The following CRACR2A variants were observed in gnomAD, a reference collection of about 807,000 sequenced individuals.
The protein encoded by CRACR2A is EF-hand calcium-binding domain-containing protein 4B.
CRACR2A carries 79 observed loss-of-function variants against 90.5 expected under a neutral mutation model. The observed-to-expected ratio is 0.87, with a 90% CI of 0.73 to 1.05. The LOEUF (loss-of-function observed/expected upper bound fraction) is 1.05. Among genes scored for constraint, CRACR2A ranks in the 50% least tolerant of loss-of-function variants. CRACR2A has a pLI of 0.00. For synonymous variants in CRACR2A, 338 were observed against 356.7 expected, an observed-to-expected ratio of 0.95 and a Z score of 0.59; for missense variants, 823 against 897.2, an observed-to-expected ratio of 0.92 and a Z score of 1.06.
At chr12:3,625,766 A>G (rs534949974) in intron 17 of CRACR2A, among the ~76,000 whole-genome samples, 7 of 151,798 alleles carry the variant, frequency 4.6e-5, no homozygotes, top group South Asian at 2.1e-4. Flanking sequence ...CCGCTCCCCA[A>G]TCTCTGGGGA....
At chr12:3,717,914 G>C (rs370532337) in intron 2 of CRACR2A, among the ~76,000 whole-genome samples, 76 of 152,246 alleles carry the variant, frequency 5.0e-4, no homozygotes, top group African/African-American at 1.7e-3. Flanking sequence ...TGAGGCTCAG[G>C]ATCCTGTGCT....
intron 1 of CRACR2A, among the ~76,000 whole-genome samples, chr12:3,749,196 T>A (rs1208566911): frequency 6.6e-6 from 1 of 152,238 alleles, no homozygotes; most frequent in Admixed American, 6.5e-5. Flanking sequence ...CCTTGGGCCA[T>A]GCCTGGCACT....
intron 18 of CRACR2A, among the ~76,000 whole-genome samples, chr12:3,618,154 GT>G (rs1240653518): frequency 5.7e-5 from 8 of 140,512 alleles, no homozygotes; most frequent in Non-Finnish European, 1.1e-4. Context: ...CCGAGTCTTA[GT>G]TTTTTTTTCA....
In CRACR2A at chr12:3,642,134, G is replaced by C. The variant is rs145674398; in HGVS notation, c.1165-296C>G. 1.2e-4 allele frequency among the ~76,000 whole-genome samples: 19 copies of C among 152,250 alleles called. No homozygotes were observed. In the East Asian group the frequency reaches 2.9e-3, roughly 23 times the overall value. ...CTGATGATTTGTAAAAGGAAAAGAA[G>C]AGATAAGTGTTTAATGCATATTTTC... On this transcript the variant is annotated intron_variant, in intron 12 of 19. Coordinates refer to ENST00000440314, the MANE Select transcript of CRACR2A (RefSeq NM_001144958.2).
In CRACR2A at chr12:3,634,740, G is replaced by A. The variant is rs146271959; in HGVS notation, c.1603-1004C>T. ...CAAATACTATAATGTAGTGGCAGGT[G>A]TATTAGCAGTACTTGAGTTTCAGAT... On this transcript the variant is annotated intron_variant, in intron 14 of 19. Transcript: ENST00000440314. Among the ~76,000 whole-genome samples the A allele has an allele frequency of 3.2e-4, 48 of 152,290 alleles. 2 individuals carry two copies. In the East Asian group the frequency reaches 9.3e-3, roughly 29 times the overall value.
rs1462973302 is a variant in CRACR2A at position 3,643,838 on chromosome 12, AT to A, written c.1164+756del. ...ATATTTATATTATATATAAATATAT[AT>A]AATATATATTATATATTTATATTAT... On this transcript the variant is annotated intron_variant, in intron 12 of 19. Coordinates refer to ENST00000440314, the MANE Select transcript of CRACR2A (RefSeq NM_001144958.2). Among the ~76,000 whole-genome samples the A allele has an allele frequency of 7.7e-5, 6 of 77,566 alleles. No individual in the cohort carries two copies. The East Asian group carries it at 2.0e-3, about 25-fold the overall frequency. 50.9% of individuals were successfully genotyped at this position (77,566 alleles called of 152,430 possible).
chr12:3,670,883 C>T (rs1275462448), intron 7 of CRACR2A, among the ~76,000 whole-genome samples: 1 of 152,172 alleles, frequency 6.6e-6, no homozygotes, highest in Non-Finnish European at 1.5e-5. Flanking sequence ...CCAATCCCAA[C>T]ACAGTTCCCT....
intron 3 of CRACR2A, among the ~76,000 whole-genome samples, chr12:3,701,888 C>T (rs148140040): frequency 1.6e-4 from 24 of 152,050 alleles, no homozygotes; most frequent in African/African-American, 4.6e-4. Flanking sequence ...GGCCAATATC[C>T]CTTATGAACA....
rs1373825504 is a variant in CRACR2A at position 3,627,463 on chromosome 12, C to G, written c.1905G>C (p.Ser635=). 6.4e-6 allele frequency: 10 copies of G among 1,551,974 alleles called. No homozygotes were observed. The East Asian group carries it at 2.4e-4, about 38-fold the overall frequency. Residue 635 remains serine (S), a synonymous_variant, in exon 17 of 20, where the codon TCG becomes TCC. Transcript: ENST00000440314. ...YDLTDKQSFL[S]VRRWLSSVEE... Reference sequence around the variant, plus strand: ...CCACGCTGCTCAGCCACCGCCGGACCGACAGGAACGACTGCTTGTCTGTGA... The same window carrying G: ...CCACGCTGCTCAGCCACCGCCGGACGGACAGGAACGACTGCTTGTCTGTGA...
chr12:3,713,377 T>A (rs956112224), intron 2 of CRACR2A, 60 bp from the exon 3 acceptor site: 15 of 919,398 alleles, frequency 1.6e-5, no homozygotes, highest in Non-Finnish European at 1.8e-5. Flanking sequence ...ACAACAGAAG[T>A]GGCTTTATAG....
At chr12:3,690,454 T>C (rs1419037042) in intron 4 of CRACR2A, among the ~76,000 whole-genome samples, 1 of 152,254 alleles carries the variant, frequency 6.6e-6, no homozygotes, top group East Asian at 1.9e-4. Context: ...TCAATTTCCA[T>C]GTAATTGTAT....
intron 10 of CRACR2A, among the ~76,000 whole-genome samples, chr12:3,650,022 C>T (rs1944766248): frequency 6.6e-6 from 1 of 152,168 alleles, no homozygotes; most frequent in South Asian, 2.1e-4. Flanking sequence ...CTATACCATG[C>T]TTTAGACATT....
intron 11 of CRACR2A, among the ~76,000 whole-genome samples, chr12:3,647,548 G>C (rs1944711234): frequency 2.0e-5 from 3 of 152,126 alleles, no homozygotes; most frequent in Middle Eastern, 6.8e-3. Flanking sequence ...GTCTTCCTAA[G>C]AATCAAGACC....
At chr12:3,676,802 T>G (rs565499326) in intron 6 of CRACR2A, among the ~76,000 whole-genome samples, 4 of 152,096 alleles carry the variant, frequency 2.6e-5, no homozygotes, top group Admixed American at 6.5e-5. Flanking sequence ...GTAAATGCAT[T>G]GTAAAATCAA....
At chr12:3,681,693 T>A (rs1945456793) in intron 4 of CRACR2A, among the ~76,000 whole-genome samples, 1 of 152,172 alleles carries the variant, frequency 6.6e-6, no homozygotes, top group Admixed American at 6.5e-5. Context: ...CGGGGCTTTG[T>A]AAGAAGAAAG....
intron 2 of CRACR2A, chr12:3,727,364 G>A (rs1946288165): frequency 1.3e-5 from 2 of 152,132 alleles, no homozygotes; most frequent in Non-Finnish European, 1.5e-5. Flanking sequence ...ATAAATATAT[G>A]TGATAAGAAT....
chr12:3,621,396 C>CTT lies in CRACR2A; in HGVS notation c.1933-2026_1933-2025dup, dbSNP rs796347863. ...TGGGAAAAGAAAGGGCAGGTTTCTT[C>CTT]TTTTTTTTTTTTTTTGGGAGGCCGA... On this transcript the variant is annotated intron_variant, in intron 17 of 19. Transcript: ENST00000440314. 9.0e-5 allele frequency among the ~76,000 whole-genome samples: 12 copies of CTT among 133,880 alleles called. No homozygotes were observed. The South Asian group carries it at 2.6e-3, about 29-fold the overall frequency. 87.8% of individuals were successfully genotyped at this position (133,880 alleles called of 152,430 possible).
intron 2 of CRACR2A, among the ~76,000 whole-genome samples, chr12:3,717,746 G>A (rs1946101945): frequency 6.6e-6 from 1 of 152,176 alleles, no homozygotes; most frequent in South Asian, 2.1e-4. Context: ...CAGCAGTTAT[G>A]GATCCTGGTT....
At chr12:3,718,754 C>A (rs112238483) in intron 2 of CRACR2A, among the ~76,000 whole-genome samples, 3 of 152,294 alleles carry the variant, frequency 2.0e-5, no homozygotes, top group African/African-American at 7.2e-5. Context: ...GCTCATGTTG[C>A]ATTTCTGATG....
Sources: gnomAD v4.1 joint callset for allele counts (sites outside exome capture counted in the v4.1 genomes callset) on GRCh38, gnomAD v4.1.1 for gene constraint, MANE v1.5 for transcripts, NCBI Gene and HGNC (gene_info 2026-07-23, HGNC 2026-07-21) for gene names.